INSL6: variants seen among roughly 807,000 people sequenced by gnomAD.
The protein encoded by INSL6 is insulin-like peptide INSL6.
A neutral mutation model predicts 9.4 loss-of-function variants in INSL6; 16 were observed. The ratio of observed to expected loss-of-function variants is 1.70; its 90% CI spans 1.15 to 2.59. The LOEUF (loss-of-function observed/expected upper bound fraction) is 2.59. INSL6 is among the 30% of genes most tolerant of loss of function. The pLI, the probability that INSL6 is intolerant of heterozygous loss-of-function variation, is 0.00. For synonymous variants in INSL6, 154 were observed against 96.9 expected, an observed-to-expected ratio of 1.59 and a Z score of -3.46; for missense variants, 391 against 257.3, an observed-to-expected ratio of 1.52 and a Z score of -3.56.
the INSL6 span, among the ~76,000 whole-genome samples, chr9:5,016,757 A>G: frequency 6.6e-6 from 1 of 152,092 alleles, no homozygotes; most frequent in African/African-American, 2.4e-5. Context: ...CCCTCCCACT[A>G]TCCCAACCCT....
the INSL6 span, among the ~76,000 whole-genome samples, chr9:5,086,733 A>C: frequency 6.6e-6 from 1 of 152,238 alleles, no homozygotes; most frequent in African/African-American, 2.4e-5. Context: ...ATAACTTTAT[A>C]GCCTTTGGCT....
At chr9:5,049,168 A>C in the INSL6 span, among the ~76,000 whole-genome samples, 4 of 152,158 alleles carry the variant, frequency 2.6e-5, no homozygotes, top group Non-Finnish European at 5.9e-5. Flanking sequence ...GCCATACACC[A>C]GCCTCTTAAA....
chr9:5,031,272 T>C, the INSL6 span, among the ~76,000 whole-genome samples: 1 of 152,198 alleles, frequency 6.6e-6, no homozygotes, highest in African/African-American at 2.4e-5. Flanking sequence ...TACCTGGCAA[T>C]TGTAAAATAT....
the INSL6 span, among the ~76,000 whole-genome samples, chr9:5,075,008 A>C: frequency 6.6e-6 from 1 of 152,194 alleles, no homozygotes; most frequent in South Asian, 2.1e-4. Flanking sequence ...ATACAGAGAA[A>C]GTTCTAGATA....
At chr9:5,078,136 A>G in the INSL6 span, among the ~76,000 whole-genome samples, 1 of 152,224 alleles carries the variant, frequency 6.6e-6, no homozygotes, top group African/African-American at 2.4e-5. Flanking sequence ...TTAAAATGTA[A>G]AACAGGAAGC....
At chr9:5,061,912 A>G in the INSL6 span, among the ~76,000 whole-genome samples, 4 of 152,204 alleles carry the variant, frequency 2.6e-5, no homozygotes, top group African/African-American at 7.2e-5. Flanking sequence ...AGGATTATTA[A>G]TTGGCCTAAT....
chr9:5,025,262 A>G, the INSL6 span, among the ~76,000 whole-genome samples: 2 of 151,920 alleles, frequency 1.3e-5, no homozygotes, highest in African/African-American at 2.4e-5. Context: ...TTCTATCTAT[A>G]TTGGTGAGAT....
chr9:5,099,277 C>T, the INSL6 span: 1 of 152,136 alleles, frequency 6.6e-6, no homozygotes, highest in African/African-American at 2.4e-5. Context: ...TACCTATTGT[C>T]CTAGAACTAA....
At chr9:5,090,683 C>A in the INSL6 span, 2 of 1,538,282 alleles carry the variant, frequency 1.3e-6, no homozygotes, top group African/African-American at 1.4e-5. Context: ...GGGTTAAGAC[C>A]ATTTAAATTG....
chr9:5,123,358 G>A (rs1042011028), downstream of INSL6, among the ~76,000 whole-genome samples: 8 of 151,840 alleles, frequency 5.3e-5, no homozygotes, highest in South Asian at 2.1e-4. Context: ...CACATTCTAC[G>A]TTCATGTGTA....
At chr9:5,022,001 G>A in the INSL6 span, 1 of 1,613,544 alleles carries the variant, frequency 6.2e-7, no homozygotes. Flanking sequence ...GGAATGGCCT[G>A]CCTTACGATG....
At chr9:5,051,933 A>T in the INSL6 span, among the ~76,000 whole-genome samples, 10 of 152,202 alleles carry the variant, frequency 6.6e-5, no homozygotes, top group South Asian at 2.1e-3. Context: ...TAATTTTAGG[A>T]ACTCAGAAAT....
At chr9:5,182,075 C>A (rs934113389) in intron 1 of INSL6, among the ~76,000 whole-genome samples, 1 of 152,088 alleles carries the variant, frequency 6.6e-6, no homozygotes, top group Admixed American at 6.6e-5. Context: ...ATGTGTATCC[C>A]AGAAACACTT....
At chr9:5,072,448 C>A in the INSL6 span, 107 of 1,431,288 alleles carry the variant, frequency 7.5e-5, no homozygotes, top group Non-Finnish European at 9.6e-5. Context: ...CTACTTCGTT[C>A]TCCATCTTTA....
At chr9:5,181,786 T>C (rs1586882043) in intron 1 of INSL6, among the ~76,000 whole-genome samples, 2 of 152,054 alleles carry the variant, frequency 1.3e-5, no homozygotes, top group African/African-American at 4.8e-5. Context: ...TTGGGCAAAA[T>C]ATATAAACAG....
At chr9:5,004,575 A>G in the INSL6 span, among the ~76,000 whole-genome samples, 1 of 152,262 alleles carries the variant, frequency 6.6e-6, no homozygotes, top group South Asian at 2.1e-4. Context: ...CTTGGCTATT[A>G]AGAATAATGC....
chr9:5,031,496 T>A, the INSL6 span, among the ~76,000 whole-genome samples: 52 of 152,298 alleles, frequency 3.4e-4, no homozygotes, highest in East Asian at 7.9e-3. Context: ...CAAATGGTGG[T>A]AGAATAGTTG....
intron 2 of INSL6, among the ~76,000 whole-genome samples, chr9:5,145,153 G>C (rs1824576272): frequency 6.6e-6 from 1 of 152,096 alleles, no homozygotes; most frequent in Non-Finnish European, 1.5e-5. Context: ...TGTAAGGCAG[G>C]TCTAGTGGTA....
the INSL6 span, among the ~76,000 whole-genome samples, chr9:5,116,227 G>C: frequency 6.6e-6 from 1 of 152,290 alleles, no homozygotes; most frequent in East Asian, 1.9e-4. Flanking sequence ...GGCATGACTA[G>C]TAAATCACTG....
Sources: gnomAD v4.1 joint callset for allele counts (sites outside exome capture counted in the v4.1 genomes callset) on GRCh38, gnomAD v4.1.1 for gene constraint, MANE v1.5 for transcripts, NCBI Gene and HGNC (gene_info 2026-07-23, HGNC 2026-07-21) for gene names.